Variants in PDE8A observed in about 807,000 individuals in gnomAD.
PDE8A encodes high affinity cAMP-specific and IBMX-insensitive 3',5'-cyclic phosphodiesterase 8A.
Under a neutral mutation model 105.0 loss-of-function variants are expected in PDE8A, and 59 were observed. That is an observed-to-expected ratio of 0.56 (90% confidence interval 0.46 to 0.70). The LOEUF is 0.70. Ranked by LOEUF, PDE8A falls within the 30% of genes least tolerant of loss-of-function variation. PDE8A has a pLI of 0.00. For synonymous variants in PDE8A, 355 were observed against 371.9 expected, an observed-to-expected ratio of 0.95 and a Z score of 0.52; for missense variants, 1,014 against 1,045.9, an observed-to-expected ratio of 0.97 and a Z score of 0.42.
At chr15:85,048,653 T>A (rs1567248915) in intron 1 of PDE8A, among the ~76,000 whole-genome samples, 3 of 152,234 alleles carry the variant, frequency 2.0e-5, no homozygotes, top group Non-Finnish European at 4.4e-5. Flanking sequence ...ATTTGCTCAT[T>A]GCTTTAAACT....
chr15:85,029,870 A>G (rs1387436852), intron 1 of PDE8A, among the ~76,000 whole-genome samples: 1 of 152,162 alleles, frequency 6.6e-6, no homozygotes, highest in Non-Finnish European at 1.5e-5. Flanking sequence ...CTCATATGAC[A>G]ATGTCTAAGG....
At chr15:85,064,937 A>G (rs2081198809) in intron 2 of PDE8A, among the ~76,000 whole-genome samples, 1 of 152,130 alleles carries the variant, frequency 6.6e-6, no homozygotes, top group South Asian at 2.1e-4. Flanking sequence ...ACACCATTGC[A>G]CTGCAGCCTG....
intron 1 of PDE8A, among the ~76,000 whole-genome samples, chr15:85,037,311 C>T (rs1283104932): frequency 7.2e-5 from 11 of 152,088 alleles, no homozygotes; most frequent in Admixed American, 1.3e-4. Context: ...GTGATCTGCC[C>T]GCCTCTGCCT....
At chr15:85,064,215 G>A in intron 1 of PDE8A, 155 bp from the exon 2 acceptor site, 1 of 558,346 alleles carries the variant, frequency 1.8e-6, no homozygotes, top group Non-Finnish European at 3.2e-6. Flanking sequence ...AGATCCTTAG[G>A]ATTCCTCATA....
chr15:85,095,731 C>G (rs1008553233), intron 8 of PDE8A, among the ~76,000 whole-genome samples: 7 of 151,980 alleles, frequency 4.6e-5, no homozygotes, highest in African/African-American at 1.4e-4. Flanking sequence ...GTTACCCTAG[C>G]CAAGCCATTG....
chr15:84,982,050 G>C lies in PDE8A; in HGVS notation c.-113G>C, dbSNP rs1257617781. On this transcript the variant is annotated 5_prime_UTR_variant, in exon 1 of 22. Coordinates refer to ENST00000394553, the MANE Select transcript of PDE8A (RefSeq NM_002605.3). Reference sequence around the variant, plus strand: ...TGACGCGAGATCCGCGCTCGCCGCCGCCCGCCCAGGCGGCGATGACACGGC... The same window carrying C: ...TGACGCGAGATCCGCGCTCGCCGCCCCCCGCCCAGGCGGCGATGACACGGC... 1.9e-6 allele frequency: 1 copy of C among 529,986 alleles called. No homozygotes were observed. 32.8% of individuals were successfully genotyped at this position (529,986 alleles called of 1,614,324 possible).
chr15:84,982,407 C>A, intron 1 of PDE8A, 59 bp downstream of exon 1: 2 of 1,185,748 alleles, frequency 1.7e-6, no homozygotes, highest in Non-Finnish European at 2.2e-6. Context: ...CAGTAAGCAA[C>A]TTTCCCGCAG....
Position 85,109,043 on chromosome 15 carries a change from G to GT in PDE8A, c.1037-7dup. On this transcript the variant is annotated splice_polypyrimidine_tract_variant and intron_variant, in intron 11 of 21. Coordinates refer to ENST00000394553, the MANE Select transcript of PDE8A (RefSeq NM_002605.3). ...TCTTTGAAGAGGTGATTTATCATTTGTTTCTACAGATAATCAGACAGGCAA... is the reference window on the plus strand; with the variant it reads ...TCTTTGAAGAGGTGATTTATCATTTGTTTTCTACAGATAATCAGACAGGCAA... The GT allele has an allele frequency of 6.3e-7, 1 of 1,581,324 alleles. No individual in the cohort carries two copies. The highest frequency in any genetic ancestry group is 8.7e-7 in the Non-Finnish European group (1 of 1,151,876).
intron 11 of PDE8A, among the ~76,000 whole-genome samples, chr15:85,107,258 T>C (rs760322103): frequency 5.3e-5 from 8 of 152,126 alleles, no homozygotes; most frequent in Admixed American, 1.3e-4. Flanking sequence ...AATTAACAAA[T>C]CATAAATAGT....
chr15:84,995,317 CT>C (rs35094035), intron 1 of PDE8A, among the ~76,000 whole-genome samples: 76,272 of 145,400 alleles, frequency 0.52, 19,595 homozygotes, highest in Admixed American at 0.55. Flanking sequence ...CAGTATGTAC[CT>C]TTTTTTTTTT....
Position 85,138,546 on chromosome 15 carries a change from G to T in PDE8A, c.*643G>T, listed in dbSNP as rs1394784671. 6.6e-6 allele frequency: 1 copy of T among 152,554 alleles called. No individual in the cohort carries two copies. The highest frequency in any genetic ancestry group is 2.4e-5 in the African/African-American group (1 of 41,420). The allele number at this position is 152,554 out of a possible 1,614,324, so 9.5% of individuals were successfully genotyped here. A position where few individuals can be genotyped will look rare whatever the true frequency, so the allele number is the denominator to read the frequency against. On this transcript the variant is annotated 3_prime_UTR_variant, in exon 22 of 22. Transcript: ENST00000394553. ...AATTTACATGATTCATATTCATTAT[G>T]CATTACTTGGTATACAGACTTATTT...
chr15:85,027,138 G>A (rs1341645792), intron 1 of PDE8A, among the ~76,000 whole-genome samples: 2 of 152,134 alleles, frequency 1.3e-5, no homozygotes, highest in African/African-American at 4.8e-5. Flanking sequence ...TGCCCTCCAG[G>A]ACTCCCTGAA....
chr15:84,993,004 G>A (rs529843413), intron 1 of PDE8A, among the ~76,000 whole-genome samples: 1 of 152,238 alleles, frequency 6.6e-6, no homozygotes, highest in South Asian at 2.1e-4. Flanking sequence ...ATAGCATAAG[G>A]GAGAAGTCAC....
chr15:85,117,891 T>A (rs2082121969), intron 17 of PDE8A, 52 bp downstream of exon 17: 1 of 1,369,016 alleles, frequency 7.3e-7, no homozygotes, highest in Non-Finnish European at 1.0e-6. Context: ...GTGGGGAGAG[T>A]CTAGTGCTTC....
rs1237313992 is a variant in PDE8A at position 85,076,737 on chromosome 15, G to A, written c.496G>A (p.Asp166Asn). The A allele has an allele frequency of 6.3e-7, 1 of 1,590,454 alleles. No individual in the cohort carries two copies. The highest frequency in any genetic ancestry group is 1.1e-5 in the South Asian group (1 of 90,630). ...CTTTACTGTGTTATTTTGAAGGGTG[G>A]ATAGAGAAGAGTTGTCCGTAATGCC... ...TVIVGVVRRV[D>N]REELSVMPFI... Residue 166 changes from aspartate (D) to asparagine (N), a missense_variant, in exon 5 of 22, where the codon GAT becomes AAT. Asp to Asn is a conservative substitution (Grantham distance 23, BLOSUM62 1). Coordinates refer to ENST00000394553, the MANE Select transcript of PDE8A (RefSeq NM_002605.3).
rs955449714 is a variant in PDE8A, at chr15:85,094,115, A to G, written c.852+2934A>G. ...TAGGCTCAAGCAGTCCTACTCCCTC[A>G]GCTTCCCAAAGTACTGGGATTACAG... On this transcript the variant is annotated intron_variant, in intron 8 of 21. Transcript: ENST00000394553. 5.3e-5 allele frequency among the ~76,000 whole-genome samples: 8 copies of G among 152,168 alleles called. No homozygotes were observed. In the East Asian group the frequency reaches 1.5e-3, roughly 29 times the overall value.
At chr15:85,002,467 G>C (rs951560797) in intron 1 of PDE8A, among the ~76,000 whole-genome samples, 11 of 152,210 alleles carry the variant, frequency 7.2e-5, no homozygotes, top group Non-Finnish European at 1.3e-4. Context: ...CCACCCTCTG[G>C]CATGTGGATG....
chr15:85,074,718 A>G (rs1242251151), intron 3 of PDE8A, among the ~76,000 whole-genome samples: 1 of 152,234 alleles, frequency 6.6e-6, no homozygotes, highest in Non-Finnish European at 1.5e-5. Flanking sequence ...TCTCTTACGC[A>G]TCTGGAATGG....
At chr15:85,054,413 C>T (rs900461968) in intron 1 of PDE8A, among the ~76,000 whole-genome samples, 12 of 152,264 alleles carry the variant, frequency 7.9e-5, no homozygotes, top group East Asian at 1.9e-4. Flanking sequence ...CCTCTTTGTA[C>T]GTCTGGTAGA....
Sources: gnomAD v4.1 joint callset for allele counts (sites outside exome capture counted in the v4.1 genomes callset) on GRCh38, gnomAD v4.1.1 for gene constraint, MANE v1.5 for transcripts, NCBI Gene and HGNC (gene_info 2026-07-23, HGNC 2026-07-21) for gene names.